Variants in ASAP3 observed in about 807,000 individuals in gnomAD.
The protein encoded by ASAP3 is ArfGAP with SH3 domain, ankyrin repeat and PH domain 3, also known as arf-GAP with SH3 domain, ANK repeat and PH domain-containing protein 3.
In ASAP3, 85 loss-of-function variants were observed where a neutral mutation model predicts 118.2. The ratio of observed to expected loss-of-function variants is 0.72; its 90% CI spans 0.60 to 0.86. The LOEUF (loss-of-function observed/expected upper bound fraction) is 0.86. Ranked by LOEUF, ASAP3 falls within the 40% of genes least tolerant of loss-of-function variation. ASAP3 has a pLI of 0.00. For synonymous variants in ASAP3, 432 were observed against 477.4 expected (o/e 0.90, Z 1.24); for missense variants, 1,026 against 1,175.0 (o/e 0.87, Z 1.85).
At chr1:23,480,754 G>A (rs1229333366) in intron 1 of ASAP3, among the ~76,000 whole-genome samples, 1 of 152,128 alleles carries the variant, frequency 6.6e-6, no homozygotes, top group Non-Finnish European at 1.5e-5. Flanking sequence ...TGTGACACAG[G>A]GCAGCTGCCT....
At chr1:23,459,676 G>A (rs1641505000) in intron 1 of ASAP3, among the ~76,000 whole-genome samples, 1 of 152,238 alleles carries the variant, frequency 6.6e-6, no homozygotes, top group South Asian at 2.1e-4. Context: ...CCACAGCAAG[G>A]CAGAAGAGGA....
chr1:23,433,709 G>T lies in ASAP3; in HGVS notation c.1952-16C>A. The T allele has an allele frequency of 6.2e-7, 1 of 1,614,078 alleles. No individual in the cohort carries two copies. The highest frequency in any genetic ancestry group is 8.5e-7 in the Non-Finnish European group (1 of 1,180,030). ...GCTTCATTTACTGTGAGCGGGGAAA[G>T]TCAGGGTTCATGGTCATAGTCAAAG... On this transcript the variant is annotated splice_polypyrimidine_tract_variant and intron_variant, in intron 19 of 24. Coordinates refer to ENST00000336689, the MANE Select transcript of ASAP3 (RefSeq NM_017707.4).
intron 5 of ASAP3, among the ~76,000 whole-genome samples, chr1:23,448,166 C>T (rs527901265): frequency 1.3e-5 from 2 of 152,236 alleles, no homozygotes; most frequent in South Asian, 2.1e-4. Context: ...TTACTAAGAC[C>T]GAGATCATTG....
At chr1:23,477,325 C>T (rs1031635993) in intron 1 of ASAP3, among the ~76,000 whole-genome samples, 5 of 136,982 alleles carry the variant, frequency 3.7e-5, no homozygotes, top group Non-Finnish European at 7.6e-5. Flanking sequence ...TGCAGTGAGC[C>T]GAGATCACGC....
At chr1:23,468,975 C>T (rs1319588574) in intron 1 of ASAP3, among the ~76,000 whole-genome samples, 3 of 149,838 alleles carry the variant, frequency 2.0e-5, no homozygotes, top group African/African-American at 7.4e-5. Context: ...CAAAAAAAAC[C>T]CAGGGCTTCT....
intron 24 of ASAP3, among the ~76,000 whole-genome samples, 168 bp downstream of exon 24, chr1:23,430,867 C>T (rs1007388177): frequency 6.6e-6 from 1 of 151,970 alleles, no homozygotes; most frequent in Non-Finnish European, 1.5e-5. Context: ...CTGGCCAAAC[C>T]GTGCCCACCT....
intron 5 of ASAP3, among the ~76,000 whole-genome samples, chr1:23,446,080 T>C (rs1239720465): frequency 3.9e-5 from 6 of 152,162 alleles, no homozygotes; most frequent in Admixed American, 2.0e-4. Flanking sequence ...CTAAGGGGCT[T>C]TAGCATCCTC....
rs188658895 is a variant in ASAP3 at position 23,481,042 on chromosome 1, G to C, written c.129+2963C>G. Among the ~76,000 whole-genome samples the C allele has an allele frequency of 6.6e-5, 10 of 152,312 alleles. No homozygotes were observed. The East Asian group carries it at 1.9e-3, about 29-fold the overall frequency. ...ATGGACTTTAAAAGGAAAGAGAACA[G>C]GACCGGGGGTAGAACACGTGGGTAG... is the stretch of plus-strand genomic sequence containing the variant. On this transcript the variant is annotated intron_variant, in intron 1 of 24. Transcript: ENST00000336689.
intron 5 of ASAP3, among the ~76,000 whole-genome samples, chr1:23,445,105 A>T (rs2148622409): frequency 6.6e-6 from 1 of 152,076 alleles, no homozygotes; most frequent in South Asian, 2.1e-4. Context: ...GTCAGGACAG[A>T]CTTCTTTGTG....
At chr1:23,463,356 G>T (rs1442683853) in intron 1 of ASAP3, among the ~76,000 whole-genome samples, 2 of 93,480 alleles carry the variant, frequency 2.1e-5, no homozygotes, top group Non-Finnish European at 5.8e-5. Flanking sequence ...TTAAGCTAAA[G>T]AAATGCAGGT....
chr1:23,449,730 G>A (rs914228431), intron 5 of ASAP3, among the ~76,000 whole-genome samples: 77 of 152,280 alleles, frequency 5.1e-4, no homozygotes, highest in African/African-American at 1.6e-3. Flanking sequence ...AGGTCCTATC[G>A]ATAACTCACC....
upstream of ASAP3, chr1:23,484,437 C>G (rs1046584964): frequency 4.7e-6 from 1 of 212,152 alleles, no homozygotes; most frequent in Non-Finnish European, 9.3e-6. Context: ...AGCCCCTCAC[C>G]GCCTCAGACC....
chr1:23,455,831 G>C (rs1303834247), intron 3 of ASAP3, 50 bp downstream of exon 3: 1 of 1,605,120 alleles, frequency 6.2e-7, no homozygotes, highest in Non-Finnish European at 8.5e-7. Context: ...AGGTTCTTAA[G>C]ACCACTAGAT....
chr1:23,474,485 T>C (rs1198204462), intron 1 of ASAP3, among the ~76,000 whole-genome samples: 1 of 152,110 alleles, frequency 6.6e-6, no homozygotes, highest in East Asian at 1.9e-4. Context: ...CCTCTTCCTA[T>C]CCCAATCTCT....
Position 23,448,619 on chromosome 1 carries a change from T to C in ASAP3, c.473+2860A>G, listed in dbSNP as rs1008481263. On this transcript the variant is annotated intron_variant, in intron 5 of 24. Coordinates refer to ENST00000336689, the MANE Select transcript of ASAP3 (RefSeq NM_017707.4). ...CTAAATATATGTATTATATTTATTA[T>C]ATATGTATTATTATTATCAATTTTT... Among the ~76,000 whole-genome samples the C allele has an allele frequency of 5.9e-5, 9 of 151,494 alleles. No homozygotes were observed. In the East Asian group the frequency reaches 1.4e-3, roughly 23 times the overall value.
upstream of ASAP3, chr1:23,484,336 C>A (rs973071401): frequency 6.7e-6 from 3 of 445,770 alleles, no homozygotes; most frequent in South Asian, 1.1e-4. Flanking sequence ...CTTCCTCCAC[C>A]GCCAAGGTCC....
chr1:23,441,059 C>T (rs771852359), intron 10 of ASAP3, 43 bp downstream of exon 10: 5 of 1,556,188 alleles, frequency 3.2e-6, no homozygotes, highest in Non-Finnish European at 4.4e-6. Flanking sequence ...CATTTACTTG[C>T]AGTGTGACAT....
intron 1 of ASAP3, among the ~76,000 whole-genome samples, chr1:23,482,957 A>C (rs1433845148): frequency 1.3e-5 from 2 of 152,000 alleles, no homozygotes; most frequent in African/African-American, 2.4e-5. Flanking sequence ...GTCTCAAAAA[A>C]AAAAAAGGAA....
At position 23,452,765 on chromosome 1, in the gene ASAP3, T is replaced by C. The variant is rs763887626; in HGVS notation, c.355A>G (p.Asn119Asp). 6.2e-7 allele frequency: 1 copy of C among 1,613,724 alleles called. No homozygotes were observed. The highest frequency in any genetic ancestry group is 8.5e-7 in the Non-Finnish European group (1 of 1,180,006). Residue 119 changes from asparagine (N) to aspartate (D), a missense_variant, in exon 4 of 25, where the codon AAC (asparagine) becomes GAC (aspartate). By Grantham distance (23) the Asn-to-Asp change is conservative (BLOSUM62 1). Transcript: ENST00000336689. ...GGGAAAGAGACAATGTTGTTCAAGT[T>C]CTGAATCTGGAAAAAACAGAGACGC... is the stretch of plus-strand genomic sequence containing the variant. Reference protein sequence around the residue: ...VAALFKNLIQNLNNIVSFPLD... With the variant: ...VAALFKNLIQDLNNIVSFPLD...
Sources: allele counts gnomAD v4.1 joint callset (sites outside exome capture counted in the v4.1 genomes callset), GRCh38; gene constraint gnomAD v4.1.1; transcripts MANE v1.5; gene names NCBI Gene and HGNC (gene_info 2026-07-23, HGNC 2026-07-21).